CPEB2: variants seen among roughly 807,000 people sequenced by gnomAD.
The protein encoded by CPEB2 is cytoplasmic polyadenylation element-binding protein 2.
Under a neutral mutation model 93.6 loss-of-function variants are expected in CPEB2, and 56 were observed. That is an observed-to-expected ratio of 0.60 (90% CI 0.48 to 0.75). The LOEUF is 0.75. Among genes scored for constraint, CPEB2 ranks in the 30% least tolerant of loss-of-function variants. The pLI, the probability that CPEB2 is intolerant of heterozygous loss-of-function variation, is 0.00. For missense variants in CPEB2, 1,579 were observed against 1,395.1 expected (o/e 1.13, Z -2.10); for synonymous variants, 764 against 586.3 (o/e 1.30, Z -4.38).
intron 1 of CPEB2, 29 bp from the exon 2 acceptor site, chr4:15,007,276 C>A: frequency 1.4e-6 from 2 of 1,395,554 alleles, no homozygotes; most frequent in Non-Finnish European, 1.9e-6. Flanking sequence ...CTTTAAATGC[C>A]GCAATTTAAA....
intron 11 of CPEB2, among the ~76,000 whole-genome samples, chr4:15,064,083 C>T (rs1283882385): frequency 2.0e-5 from 3 of 151,982 alleles, no homozygotes; most frequent in East Asian, 1.9e-4. Flanking sequence ...ACTTATTTGG[C>T]GGGAATGAAA....
chr4:15,033,272 T>G, intron 5 of CPEB2, 61 bp downstream of exon 5: 1 of 1,058,692 alleles, frequency 9.4e-7, no homozygotes, highest in Non-Finnish European at 1.5e-6. Context: ...ATTTAATACA[T>G]GTTTCTCTGA....
At chr4:15,018,933 ATT>A (rs1268806595) in intron 4 of CPEB2, among the ~76,000 whole-genome samples, 1 of 68,416 alleles carries the variant, frequency 1.5e-5, no homozygotes, top group Non-Finnish European at 2.6e-5. Context: ...GCTAAGGGGA[ATT>A]TTATATATAT....
intron 3 of CPEB2, among the ~76,000 whole-genome samples, chr4:15,016,800 T>C (rs113673290): frequency 0.027 from 4,087 of 152,112 alleles, 90 homozygotes; most frequent in South Asian, 0.14. Flanking sequence ...ATATTTATTT[T>C]CTATGTGCCA....
At chr4:15,017,106 A>C (rs1214220839) in intron 3 of CPEB2, 82 bp from the exon 4 acceptor site, 3 of 739,078 alleles carry the variant, frequency 4.1e-6, no homozygotes, top group Non-Finnish European at 7.0e-6. Flanking sequence ...TATTTTATGT[A>C]AGAGAATTTA....
chr4:15,032,918 C>A (rs1455868585), intron 4 of CPEB2, among the ~76,000 whole-genome samples: 1 of 152,008 alleles, frequency 6.6e-6, no homozygotes, highest in Non-Finnish European at 1.5e-5. Flanking sequence ...GGCATTGCTC[C>A]CAAATCACAT....
At chr4:15,039,849 G>A (rs899672121) in intron 5 of CPEB2, among the ~76,000 whole-genome samples, 1 of 152,050 alleles carries the variant, frequency 6.6e-6, no homozygotes, top group African/African-American at 2.4e-5. Flanking sequence ...ATATATTAAA[G>A]TGATAGAAAG....
chr4:15,048,023 A>G (rs563077272), intron 6 of CPEB2, among the ~76,000 whole-genome samples: 11 of 151,928 alleles, frequency 7.2e-5, no homozygotes, highest in South Asian at 6.2e-4. Context: ...ATGTAGTACA[A>G]TTAACAGTAA....
chr4:15,024,542 G>A (rs1725211892), intron 4 of CPEB2, among the ~76,000 whole-genome samples: 1 of 151,814 alleles, frequency 6.6e-6, no homozygotes, highest in South Asian at 2.1e-4. Context: ...TTTCTTTCTG[G>A]AAGCTTTTAG....
intron 5 of CPEB2, among the ~76,000 whole-genome samples, chr4:15,038,456 T>C (rs1168460565): frequency 6.6e-6 from 1 of 152,256 alleles, no homozygotes; most frequent in Non-Finnish European, 1.5e-5. Context: ...AGAGCAAATT[T>C]ATACTGGATT....
At chr4:15,038,563 A>G (rs567279282) in intron 5 of CPEB2, among the ~76,000 whole-genome samples, 1 of 145,740 alleles carries the variant, frequency 6.9e-6, no homozygotes, top group South Asian at 2.2e-4. Flanking sequence ...TAATACAACT[A>G]TTCACTCTTC....
At chr4:15,039,227 T>G (rs1372461325) in intron 5 of CPEB2, among the ~76,000 whole-genome samples, 1 of 152,176 alleles carries the variant, frequency 6.6e-6, no homozygotes, top group South Asian at 2.1e-4. Flanking sequence ...AGTGATTGAC[T>G]TTTTTCTTAG....
rs776223789 is a variant in CPEB2, at chr4:15,033,205, T to G, written c.2170T>G (p.Leu724Val). Residue 724 changes from leucine (L) to valine (V), a missense_variant, in exon 5 of 12, where the codon TTA becomes GTA. Around this residue, in one of 2 missense-constraint regions of CPEB2, gnomAD observed 1,411 missense variants for 1,056.0 expected, o/e 1.34. Coordinates refer to ENST00000538197, the MANE Select transcript of CPEB2 (RefSeq NM_001177382.2). ...TCCAGGAACTGACAATCTGTTGATG[T>G]TAAATGGTAAGTTTTATAAAAACAT... ...PHPGTDNLLM[L>V]NARSYGRRRG... The G allele has an allele frequency of 6.3e-7, 1 of 1,586,472 alleles. No individual in the cohort carries two copies.
At chr4:15,047,301 T>A (rs1727805309) in intron 6 of CPEB2, among the ~76,000 whole-genome samples, 1 of 152,208 alleles carries the variant, frequency 6.6e-6, no homozygotes, top group Admixed American at 6.5e-5. Context: ...GGCTTGTGAA[T>A]TTCTAGAAGA....
At chr4:15,062,043 T>C in intron 10 of CPEB2, 36 bp from the exon 11 acceptor site, 2 of 1,532,512 alleles carry the variant, frequency 1.3e-6, no homozygotes. Flanking sequence ...TACTGTGTTC[T>C]CTCACATTTG....
At chr4:15,061,487 C>T (rs1201513057) in intron 10 of CPEB2, among the ~76,000 whole-genome samples, 2 of 151,566 alleles carry the variant, frequency 1.3e-5, no homozygotes, top group Non-Finnish European at 2.9e-5. Flanking sequence ...GACCATTGGA[C>T]TTGGCTTGAA....
At chr4:15,040,853 A>G (rs1285722554) in intron 6 of CPEB2, among the ~76,000 whole-genome samples, 1 of 152,156 alleles carries the variant, frequency 6.6e-6, no homozygotes, top group Admixed American at 6.5e-5. Flanking sequence ...TGTAACTGTC[A>G]TATTTATGAT....
At chr4:15,017,567 T>C (rs1040553430) in intron 4 of CPEB2, 18 of 203,582 alleles carry the variant, frequency 8.8e-5, no homozygotes, top group Non-Finnish European at 1.3e-4. Flanking sequence ...CTAGTCACTT[T>C]TCTAGAATTC....
chr4:15,057,196 T>TA (rs1408430752), intron 8 of CPEB2, among the ~76,000 whole-genome samples: 1 of 152,144 alleles, frequency 6.6e-6, no homozygotes, highest in Non-Finnish European at 1.5e-5. Flanking sequence ...TCCAGCAGTG[T>TA]AAAAAATCTA....
Sources: allele counts gnomAD v4.1 joint callset (sites outside exome capture counted in the v4.1 genomes callset), GRCh38; gene constraint gnomAD v4.1.1; regional missense constraint gnomAD v4.1.1; transcripts MANE v1.5; gene names NCBI Gene and HGNC (gene_info 2026-07-23, HGNC 2026-07-21).